The following DENND1A variants were observed in gnomAD, a reference collection of about 807,000 sequenced individuals.
DENND1A encodes the protein DENN domain containing 1A.
In DENND1A, 51 loss-of-function variants were observed where a neutral mutation model predicts 113.7. The observed-to-expected ratio is 0.45, with a 90% confidence interval of 0.36 to 0.57. DENND1A has a LOEUF of 0.57. Among genes scored for constraint, DENND1A ranks in the 20% least tolerant of loss-of-function variants. The probability of loss-of-function intolerance (pLI) is 0.00; values close to 1 mark genes in which losing one functional copy is unlikely to be tolerated. For missense variants in DENND1A, 1,258 were observed against 1,395.9 expected (o/e 0.90, Z 1.57); for synonymous variants, 565 against 570.8 (o/e 0.99, Z 0.14).
chr9:123,709,793 G>A (rs2066464456), intron 5 of DENND1A, among the ~76,000 whole-genome samples: 1 of 152,152 alleles, frequency 6.6e-6, no homozygotes, highest in Admixed American at 6.5e-5. Flanking sequence ...TTTCCATTTG[G>A]AATTTCTAAG....
chr9:123,509,635 C>T (rs778654186), intron 13 of DENND1A, among the ~76,000 whole-genome samples: 19 of 152,196 alleles, frequency 1.2e-4, no homozygotes, highest in Non-Finnish European at 2.2e-4. Flanking sequence ...GCAAGCCCCT[C>T]AAATTATAGA....
Position 123,779,872 on chromosome 9 carries a change from C to CTTTTTTTTTTTTTTTTTTT in DENND1A, c.133-10310_133-10309insAAAAAAAAAAAAAAAAAAA, listed in dbSNP as rs72419269. Reference sequence around the variant, plus strand: ...CCTTTCACATTCCACTTGCATGAGACTTTTTTTTGAGACGGAGTCTCGCTC... The same window carrying CTTTTTTTTTTTTTTTTTTT: ...CCTTTCACATTCCACTTGCATGAGACTTTTTTTTTTTTTTTTTTTTTTTTTTTGAGACGGAGTCTCGCTC... On this transcript the variant is annotated intron_variant, in intron 3 of 23. Transcript: ENST00000394215. 6.5e-4 allele frequency among the ~76,000 whole-genome samples: 94 copies of CTTTTTTTTTTTTTTTTTTT among 143,844 alleles called. 2 individuals carry two copies. Among genetic ancestry groups the CTTTTTTTTTTTTTTTTTTT allele is most frequent in the African/African-American group, 1.2e-3 (45 of 36,016 alleles). The allele number at this position is 143,844 out of a possible 152,430, so 94.4% of individuals were successfully genotyped here.
In DENND1A at chr9:123,662,365, C is replaced by G. The variant is rs534546840; in HGVS notation, c.507+4661G>C. 2.6e-5 allele frequency among the ~76,000 whole-genome samples: 4 copies of G among 152,280 alleles called. No homozygotes were observed. The South Asian group carries it at 8.3e-4, about 32-fold the overall frequency. ...TCAATTGAGGTCAGGAGTTCAAGAC[C>G]AGCCTGGCCAACATGGTGAAACCCC... On this transcript the variant is annotated intron_variant, in intron 8 of 23. Coordinates refer to ENST00000394215, the MANE Select transcript of DENND1A (RefSeq NM_001352964.2).
At chr9:123,899,889 T>C (rs574687996) in intron 1 of DENND1A, among the ~76,000 whole-genome samples, 12 of 152,342 alleles carry the variant, frequency 7.9e-5, no homozygotes, top group Non-Finnish European at 1.6e-4. Context: ...CTACTTATCC[T>C]GTGGTAGCAA....
Position 123,457,776 on chromosome 9 carries a change from A to G in DENND1A, c.1098+17T>C, listed in dbSNP as rs772590577. ...CGCCAGGGAGCCAGACCCAGGCCAG[A>G]CCAGGGAGGGAGGCACCTGCTTGAA... On this transcript the variant is annotated intron_variant, in intron 14 of 23. Transcript: ENST00000394215. 6.3e-7 allele frequency: 1 copy of G among 1,596,694 alleles called. No individual in the cohort carries two copies. Among genetic ancestry groups the G allele is most frequent in the Non-Finnish European group, 8.5e-7 (1 of 1,171,224 alleles).
At chr9:123,395,085 C>T (rs2043046601) in intron 21 of DENND1A, among the ~76,000 whole-genome samples, 1 of 152,144 alleles carries the variant, frequency 6.6e-6, no homozygotes, top group African/African-American at 2.4e-5. Context: ...GGGCACAAAA[C>T]AGGCAGTTGA....
chr9:123,917,643 T>C (rs1855403514), intron 1 of DENND1A, among the ~76,000 whole-genome samples: 1 of 152,054 alleles, frequency 6.6e-6, no homozygotes, highest in Non-Finnish European at 1.5e-5. Context: ...ACTGACCTGG[T>C]AGCAAACCCA....
At chr9:123,573,539 T>C (rs76282124) in intron 12 of DENND1A, among the ~76,000 whole-genome samples, 22,758 of 152,064 alleles carry the variant, frequency 0.15, 2,098 homozygotes, top group Admixed American at 0.21. Flanking sequence ...TATTCCTAAG[T>C]ATTTTGTGTT....
At position 123,781,238 on chromosome 9, in the gene DENND1A, C is replaced by T. The variant is rs546835474; in HGVS notation, c.132+11349G>A. ...ACCTGCCAGTTTGCCCAGGACATCC[C>T]AGTTATGCCCACGATTTCTGTGTAG... On this transcript the variant is annotated intron_variant, in intron 3 of 23. Coordinates refer to ENST00000394215, the MANE Select transcript of DENND1A (RefSeq NM_001352964.2). Among the ~76,000 whole-genome samples the T allele has an allele frequency of 7.9e-5, 12 of 152,326 alleles. No individual in the cohort carries two copies. The South Asian group carries it at 2.1e-3, about 26-fold the overall frequency.
chr9:123,426,763 A>G (rs1028738300), intron 19 of DENND1A, among the ~76,000 whole-genome samples: 9 of 152,226 alleles, frequency 5.9e-5, no homozygotes, highest in Non-Finnish European at 8.8e-5. Context: ...AAGGTGAGAA[A>G]TGTCCATTGC....
At chr9:123,813,421 A>C (rs1046004074) in intron 2 of DENND1A, among the ~76,000 whole-genome samples, 1 of 151,424 alleles carries the variant, frequency 6.6e-6, no homozygotes, top group Non-Finnish European at 1.5e-5. Flanking sequence ...TTTTTTCCAA[A>C]GGACCAGTAA....
rs2064872221 is a variant in DENND1A at position 123,687,306 on chromosome 9, G to C, written c.303-10517C>G. ...AAACACTCTGTACCATATGCAACTT[G>C]AGACACACAACTGGTGGCACTACTG... is the stretch of plus-strand genomic sequence containing the variant. On this transcript the variant is annotated intron_variant, in intron 5 of 23. Coordinates refer to ENST00000394215, the MANE Select transcript of DENND1A (RefSeq NM_001352964.2). Among the ~76,000 whole-genome samples the C allele has an allele frequency of 2.0e-5, 3 of 152,174 alleles. No individual in the cohort carries two copies. The South Asian group carries it at 6.2e-4, about 32-fold the overall frequency.
At chr9:123,525,441 A>G (rs1241048641) in intron 13 of DENND1A, among the ~76,000 whole-genome samples, 1 of 152,236 alleles carries the variant, frequency 6.6e-6, no homozygotes, top group East Asian at 1.9e-4. Flanking sequence ...CCAAGAGAGA[A>G]GACACTGTTT....
At chr9:123,713,533 T>C (rs1341496570) in intron 5 of DENND1A, among the ~76,000 whole-genome samples, 1 of 152,178 alleles carries the variant, frequency 6.6e-6, no homozygotes, top group African/African-American at 2.4e-5. Context: ...CAGAATAGCA[T>C]TTCCATGTCT....
At chr9:123,704,975 A>T (rs1209882275) in intron 5 of DENND1A, among the ~76,000 whole-genome samples, 1 of 152,118 alleles carries the variant, frequency 6.6e-6, no homozygotes, top group Non-Finnish European at 1.5e-5. Flanking sequence ...TCAAATTTCC[A>T]GAAGGATATA....
intron 11 of DENND1A, among the ~76,000 whole-genome samples, chr9:123,594,825 T>G (rs1301027977): frequency 6.6e-6 from 1 of 151,910 alleles, no homozygotes; most frequent in Non-Finnish European, 1.5e-5. Context: ...TATGAGTACA[T>G]AACAAAGAAC....
chr9:123,712,602 A>G (rs998872342), intron 5 of DENND1A, among the ~76,000 whole-genome samples: 5 of 152,382 alleles, frequency 3.3e-5, no homozygotes, highest in Admixed American at 6.5e-5. Flanking sequence ...CATGACGACA[A>G]TGACATAGAC....
rs541511726 is a variant in DENND1A at position 123,904,941 on chromosome 9, T to C, written c.17+24948A>G. ...AAAGTTGAAATGATGGAAAAAATGT[T>C]AAGGGCAGCCAGAGAGAAAGGTCGG... On this transcript the variant is annotated intron_variant, in intron 1 of 23. Coordinates refer to ENST00000394215, the MANE Select transcript of DENND1A (RefSeq NM_001352964.2). Among the ~76,000 whole-genome samples, 3 of 152,256 alleles carry C rather than the reference T, an allele frequency of 2.0e-5. No homozygotes were observed. In the East Asian group the frequency reaches 5.8e-4, roughly 29 times the overall value.
intron 2 of DENND1A, among the ~76,000 whole-genome samples, chr9:123,873,546 A>G (rs1266622808): frequency 1.3e-5 from 2 of 152,232 alleles, no homozygotes; most frequent in African/African-American, 4.8e-5. Flanking sequence ...TATGGTTTGA[A>G]GTACCTGATC....
Sources: allele counts gnomAD v4.1 joint callset (sites outside exome capture counted in the v4.1 genomes callset), GRCh38; gene constraint gnomAD v4.1.1; transcripts MANE v1.5; gene names NCBI Gene and HGNC (gene_info 2026-07-23, HGNC 2026-07-21).